DNM3: variants seen among roughly 807,000 people sequenced by gnomAD.
The protein encoded by DNM3 is dynamin 3.
DNM3 carries 47 observed loss-of-function variants against 101.6 expected under a neutral mutation model. The ratio of observed to expected loss-of-function variants is 0.46; its 90% CI spans 0.37 to 0.59. DNM3 has a LOEUF of 0.59. Among genes scored for constraint, DNM3 ranks in the 20% least tolerant of loss-of-function variants. The pLI is 0.00. For synonymous variants in DNM3, 385 were observed against 387.9 expected, an observed-to-expected ratio of 0.99 and a Z score of 0.09; for missense variants, 849 against 1,085.7, an observed-to-expected ratio of 0.78 and a Z score of 3.06.
rs1250193292 is a variant in DNM3, at chr1:172,194,592, T to C, written c.1660-58981T>C. On this transcript the variant is annotated intron_variant, in intron 14 of 20. Transcript: ENST00000627582. The stretch of plus-strand genomic sequence containing the variant: ...AGGATAGTTAGCTCTTCTTGTTGAA[T>C]TGATCCCTGTACCATTAGGTAATGA... Among the ~76,000 whole-genome samples, 3 of 152,280 alleles carry C rather than the reference T, an allele frequency of 2.0e-5. No homozygotes were observed. The East Asian group carries it at 5.8e-4, about 29-fold the overall frequency.
chr1:172,125,024 T>G (rs926098724), intron 13 of DNM3, among the ~76,000 whole-genome samples: 1 of 152,166 alleles, frequency 6.6e-6, no homozygotes, highest in East Asian at 1.9e-4. Flanking sequence ...ACTGGGTGAC[T>G]GGACTGTCCA....
At chr1:172,265,323 C>T (rs2062817452) in intron 15 of DNM3, among the ~76,000 whole-genome samples, 1 of 151,608 alleles carries the variant, frequency 6.6e-6, no homozygotes, top group South Asian at 2.1e-4. Flanking sequence ...GATTTTTGAG[C>T]CATTTTAAAC....
At chr1:172,092,736 A>T (rs2053996213) in intron 12 of DNM3, 88 bp from the exon 13 acceptor site, 327 of 1,214,994 alleles carry the variant, frequency 2.7e-4, no homozygotes, top group South Asian at 3.7e-4. Context: ...TTTTTTTTTT[A>T]AAGCCTGTAT....
At chr1:172,302,871 G>T (rs929033018) in intron 15 of DNM3, among the ~76,000 whole-genome samples, 2 of 152,184 alleles carry the variant, frequency 1.3e-5, no homozygotes, top group Non-Finnish European at 2.9e-5. Context: ...AACCCCATCT[G>T]TAGGTCACCA....
At chr1:172,264,051 C>T (rs1432206788) in intron 15 of DNM3, among the ~76,000 whole-genome samples, 1 of 152,098 alleles carries the variant, frequency 6.6e-6, no homozygotes, top group Non-Finnish European at 1.5e-5. Flanking sequence ...TAGCAGACAG[C>T]ATAGTATTTA....
At chr1:172,209,023 C>T (rs1406099016) in intron 14 of DNM3, among the ~76,000 whole-genome samples, 1 of 151,936 alleles carries the variant, frequency 6.6e-6, no homozygotes, top group Non-Finnish European at 1.5e-5. Flanking sequence ...TGTGTGTCCC[C>T]CACCCCCAAA....
chr1:172,226,593 C>T (rs1178137240), intron 14 of DNM3, among the ~76,000 whole-genome samples: 2 of 152,170 alleles, frequency 1.3e-5, no homozygotes, highest in Non-Finnish European at 2.9e-5. Context: ...CTGTGCCCTA[C>T]TCTCTACATT....
At chr1:172,331,935 T>C (rs895730902) in intron 17 of DNM3, among the ~76,000 whole-genome samples, 1 of 151,860 alleles carries the variant, frequency 6.6e-6, no homozygotes, top group Non-Finnish European at 1.5e-5. Flanking sequence ...GTCACAGCAG[T>C]AGAAATAGTG....
intron 16 of DNM3, among the ~76,000 whole-genome samples, chr1:172,318,969 G>A (rs78552978): frequency 0.075 from 11,371 of 151,636 alleles, 468 homozygotes; most frequent in African/African-American, 0.11. Flanking sequence ...GAGGCATCAC[G>A]CTACCTGACT....
At chr1:172,113,640 A>AC (rs2055668608) in intron 13 of DNM3, among the ~76,000 whole-genome samples, 1 of 151,372 alleles carries the variant, frequency 6.6e-6, no homozygotes, top group Non-Finnish European at 1.5e-5. Context: ...AAAAAAAAAA[A>AC]AAAACAACTC....
At chr1:172,198,478 T>C (rs1265290418) in intron 14 of DNM3, among the ~76,000 whole-genome samples, 2 of 152,070 alleles carry the variant, frequency 1.3e-5, no homozygotes. Flanking sequence ...ATGGTATCTG[T>C]AGGAATGGTA....
intron 14 of DNM3, among the ~76,000 whole-genome samples, chr1:172,181,743 G>C (rs1170595804): frequency 6.6e-6 from 1 of 151,466 alleles, no homozygotes; most frequent in African/African-American, 2.4e-5. Context: ...ACTGTATCCA[G>C]ATGTGCATGT....
At chr1:172,062,471 T>G (rs16843769) in intron 10 of DNM3, among the ~76,000 whole-genome samples, 10,761 of 152,258 alleles carry the variant, frequency 0.071, 752 homozygotes, top group East Asian at 0.17. Context: ...TAAATAACAC[T>G]AGAGTTCTCT....
chr1:171,957,200 T>G (rs890177335), intron 2 of DNM3, among the ~76,000 whole-genome samples: 1 of 86,856 alleles, frequency 1.2e-5, no homozygotes, highest in Non-Finnish European at 3.0e-5. Flanking sequence ...TCTTTCTTTC[T>G]TTTTTTTTTT....
chr1:172,135,563 A>C (rs1165165693), intron 14 of DNM3, among the ~76,000 whole-genome samples: 1 of 151,952 alleles, frequency 6.6e-6, no homozygotes, highest in Non-Finnish European at 1.5e-5. Flanking sequence ...GACTTCCTGG[A>C]TTGAAAATCA....
intron 17 of DNM3, among the ~76,000 whole-genome samples, chr1:172,372,925 C>G (rs1312132244): frequency 1.3e-5 from 2 of 151,934 alleles, no homozygotes; most frequent in Admixed American, 1.3e-4. Context: ...CTCAAGTGAT[C>G]TACCCACCTT....
At chr1:172,023,377 G>T (rs1250198163) in intron 4 of DNM3, among the ~76,000 whole-genome samples, 1 of 152,072 alleles carries the variant, frequency 6.6e-6, no homozygotes, top group African/African-American at 2.4e-5. Flanking sequence ...AATATTTTGA[G>T]ATTTGCAAGT....
At chr1:172,001,790 A>AT (rs1290366641) in intron 4 of DNM3, among the ~76,000 whole-genome samples, 1 of 151,960 alleles carries the variant, frequency 6.6e-6, no homozygotes, top group East Asian at 1.9e-4. Flanking sequence ...AATTCATCTT[A>AT]TGGGGGTGTG....
At chr1:171,876,469 T>C (rs879647193) in intron 1 of DNM3, among the ~76,000 whole-genome samples, 4 of 152,178 alleles carry the variant, frequency 2.6e-5, no homozygotes, top group Admixed American at 2.6e-4. Flanking sequence ...GAAGCCTCCT[T>C]GATAACCCCA....
Sources: allele counts gnomAD v4.1 joint callset (sites outside exome capture counted in the v4.1 genomes callset), GRCh38; gene constraint gnomAD v4.1.1; transcripts MANE v1.5; gene names NCBI Gene and HGNC (gene_info 2026-07-23, HGNC 2026-07-21).